The following CYRIA variants were observed in gnomAD, a reference collection of about 807,000 sequenced individuals.
CYRIA encodes CYFIP-related Rac1 interactor A.
A neutral mutation model predicts 43.9 loss-of-function variants in CYRIA; 15 were observed. The ratio of observed to expected loss-of-function variants is 0.34; its 90% confidence interval spans 0.23 to 0.53. CYRIA has a LOEUF of 0.53. CYRIA is among the 20% of genes least tolerant of loss of function. The pLI is 0.94. For missense variants in CYRIA, 236 were observed against 394.2 expected (o/e 0.60, Z 3.40); for synonymous variants, 117 against 136.0 (o/e 0.86, Z 0.97).
intron 1 of CYRIA, among the ~76,000 whole-genome samples, chr2:16,664,825 C>G (rs932164090): frequency 2.6e-5 from 4 of 152,160 alleles, no homozygotes; most frequent in Non-Finnish European, 5.9e-5. Flanking sequence ...AGCCCCATGA[C>G]CCTGTCTTGG....
intron 1 of CYRIA, among the ~76,000 whole-genome samples, chr2:16,659,549 C>T (rs537289872): frequency 3.3e-5 from 5 of 152,188 alleles, no homozygotes; most frequent in African/African-American, 1.2e-4. Context: ...AAGTGGGCAG[C>T]GTGACTACAA....
At chr2:16,629,994 G>A (rs1669282003) in intron 1 of CYRIA, among the ~76,000 whole-genome samples, 1 of 152,160 alleles carries the variant, frequency 6.6e-6, no homozygotes, top group South Asian at 2.1e-4. Flanking sequence ...AACTGGGAGT[G>A]GCCGTGGCTC....
intron 1 of CYRIA, among the ~76,000 whole-genome samples, chr2:16,655,450 C>T (rs1236618332): frequency 6.6e-6 from 1 of 152,214 alleles, no homozygotes; most frequent in African/African-American, 2.4e-5. Context: ...ACTCCTTGGA[C>T]AGTGCTCACT....
At chr2:16,555,046 G>C (rs1049218959) in intron 11 of CYRIA, 23 bp downstream of exon 11, 42 of 1,604,612 alleles carry the variant, frequency 2.6e-5, no homozygotes, top group Non-Finnish European at 3.2e-5. Flanking sequence ...TTCCCTGTGA[G>C]CTGACACAGG....
intron 1 of CYRIA, among the ~76,000 whole-genome samples, chr2:16,664,039 G>A (rs1670328957): frequency 6.6e-6 from 1 of 152,180 alleles, no homozygotes; most frequent in Admixed American, 6.5e-5. Flanking sequence ...TCTGCAAAGT[G>A]GAAAGAGCCC....
chr2:16,655,618 T>C (rs563177779), intron 1 of CYRIA, among the ~76,000 whole-genome samples: 2 of 152,170 alleles, frequency 1.3e-5, no homozygotes, highest in African/African-American at 4.8e-5. Flanking sequence ...CCTGAAGGAG[T>C]TGTAAATGTG....
intron 3 of CYRIA, among the ~76,000 whole-genome samples, chr2:16,575,812 C>T (rs1161994042): frequency 5.3e-5 from 8 of 151,686 alleles, no homozygotes; most frequent in Admixed American, 2.0e-4. Flanking sequence ...GCCGAGATTG[C>T]GCCACTGCAC....
At chr2:16,568,924 AT>A (rs201406851) in intron 3 of CYRIA, among the ~76,000 whole-genome samples, 3 of 152,088 alleles carry the variant, frequency 2.0e-5, no homozygotes, top group African/African-American at 7.2e-5. Context: ...AGAGCTGGAA[AT>A]TTTTTTTAAA....
intron 3 of CYRIA, among the ~76,000 whole-genome samples, chr2:16,573,279 T>C (rs1261477079): frequency 6.6e-6 from 1 of 152,188 alleles, no homozygotes; most frequent in Non-Finnish European, 1.5e-5. Flanking sequence ...CAAACATACA[T>C]TTGCAGAAGA....
At chr2:16,661,221 G>T (rs1472117758) in intron 1 of CYRIA, among the ~76,000 whole-genome samples, 2 of 152,238 alleles carry the variant, frequency 1.3e-5, no homozygotes, top group African/African-American at 4.8e-5. Flanking sequence ...GCTGCAGTGA[G>T]CCATGATGGC....
intron 5 of CYRIA, among the ~76,000 whole-genome samples, chr2:16,563,214 T>C (rs1558403104): frequency 6.6e-6 from 1 of 152,202 alleles, no homozygotes; most frequent in African/African-American, 2.4e-5. Flanking sequence ...TGTTCTCTTT[T>C]ACTCTCTTCT....
In CYRIA at chr2:16,568,126, C is replaced by T. The variant is rs79059550; in HGVS notation, c.71-2359G>A. ...CATCTGAAATGTTTTTAAATGCCCA[C>T]ATGGTGCAACAAAGAAAATTCTCAC... On this transcript the variant is annotated intron_variant, in intron 3 of 11. Coordinates refer to ENST00000381323, the MANE Select transcript of CYRIA (RefSeq NM_030797.4). 2.6e-3 allele frequency among the ~76,000 whole-genome samples: 389 copies of T among 149,672 alleles called. 5 individuals are homozygous for T. Among genetic ancestry groups the T allele is most frequent in the African/African-American group, 9.0e-3 (366 of 40,640 alleles).
intron 5 of CYRIA, 78 bp from the exon 6 acceptor site, chr2:16,562,219 GTTGACAA>G: frequency 6.8e-7 from 1 of 1,478,002 alleles, no homozygotes; most frequent in South Asian, 1.3e-5. Flanking sequence ...CCCAGCCTCA[GTTGACAA>G]TCTCGGAGAT....
intron 2 of CYRIA, among the ~76,000 whole-genome samples, chr2:16,603,852 C>G (rs1467347958): frequency 1.3e-5 from 2 of 152,170 alleles, no homozygotes; most frequent in Admixed American, 6.5e-5. Context: ...AAAAACAAAG[C>G]CTACGTCATG....
intron 2 of CYRIA, among the ~76,000 whole-genome samples, chr2:16,609,787 G>A (rs954060606): frequency 1.3e-5 from 2 of 152,116 alleles, no homozygotes; most frequent in Non-Finnish European, 2.9e-5. Context: ...AAAACAAAAC[G>A]TATGCTTCTT....
At chr2:16,559,712 C>A (rs907782196) in intron 9 of CYRIA, 126 bp from the exon 10 acceptor site, 5 of 987,916 alleles carry the variant, frequency 5.1e-6, no homozygotes, top group Admixed American at 2.6e-5. Flanking sequence ...CTGCAACAAC[C>A]AGTTAATATG....
At chr2:16,563,879 G>A (rs547907857) in intron 5 of CYRIA, 110 bp downstream of exon 5, 2 of 685,732 alleles carry the variant, frequency 2.9e-6, no homozygotes, top group South Asian at 1.9e-5. Flanking sequence ...ATTTGATACA[G>A]TGGATGGATG....
chr2:16,605,948 C>T (rs1668382613), intron 2 of CYRIA, among the ~76,000 whole-genome samples: 1 of 152,146 alleles, frequency 6.6e-6, no homozygotes, highest in Admixed American at 6.5e-5. Flanking sequence ...AGTTCCTCCT[C>T]AAGTTTCTAC....
chr2:16,604,609 G>T (rs939212877), intron 2 of CYRIA, among the ~76,000 whole-genome samples: 1 of 152,312 alleles, frequency 6.6e-6, no homozygotes, highest in Admixed American at 6.5e-5. Context: ...ATATCAATAG[G>T]TGGTGTTAAA....
Sources: allele counts gnomAD v4.1 joint callset (sites outside exome capture counted in the v4.1 genomes callset), GRCh38; gene constraint gnomAD v4.1.1; transcripts MANE v1.5; gene names NCBI Gene and HGNC (gene_info 2026-07-23, HGNC 2026-07-21).